IL1RAPL1: variants seen among roughly 807,000 people sequenced by gnomAD.
IL1RAPL1 encodes the protein interleukin-1 receptor accessory protein-like 1.
IL1RAPL1 carries 3 observed loss-of-function variants against 48.4 expected under a neutral mutation model. That is an observed-to-expected ratio of 0.06 (90% CI 0.03 to 0.16). IL1RAPL1 has a LOEUF of 0.16. Ranked by LOEUF, IL1RAPL1 falls within the 10% of genes least tolerant of loss-of-function variation. The pLI is 1.00. For synonymous variants in IL1RAPL1, 185 were observed against 187.7 expected (o/e 0.99, Z 0.12); for missense variants, 349 against 530.6 (o/e 0.66, Z 3.36).
At chrX:29,837,482 T>A (rs1221080444) in intron 6 of IL1RAPL1, among the ~76,000 whole-genome samples, 1 of 109,214 alleles carries the variant, frequency 9.2e-6, no homozygotes, top group East Asian at 2.9e-4. Context: ...ATTTTGTAAA[T>A]ACAACTCATA....
At chrX:28,855,972 C>G in intron 2 of IL1RAPL1, among the ~76,000 whole-genome samples, 1 of 111,728 alleles carries the variant, frequency 9.0e-6, no homozygotes. Flanking sequence ...TCAAATGTCT[C>G]TATGTCAAAG....
chrX:29,509,739 A>G (rs1161477785), intron 5 of IL1RAPL1, among the ~76,000 whole-genome samples: 1 of 111,940 alleles, frequency 8.9e-6, no homozygotes, highest in Non-Finnish European at 1.9e-5. Context: ...GGAAAAAATT[A>G]TAAAGGGATA....
intron 6 of IL1RAPL1, among the ~76,000 whole-genome samples, chrX:29,803,611 G>GTGTGTATATATGTATATA (rs1491369810): frequency 9.8e-6 from 1 of 101,597 alleles, no homozygotes; most frequent in African/African-American, 3.6e-5. Context: ...ATATATACAC[G>GTGTGTATATATGTATATA]TGTGTATATA....
intron 1 of IL1RAPL1, among the ~76,000 whole-genome samples, chrX:28,744,758 C>A (rs1225867600): frequency 9.0e-6 from 1 of 111,196 alleles, no homozygotes; most frequent in Admixed American, 9.6e-5. Flanking sequence ...AAGTAATGAT[C>A]AGTTCTATAA....
At chrX:29,603,637 G>A (rs1445359175) in intron 5 of IL1RAPL1, among the ~76,000 whole-genome samples, 1 of 111,887 alleles carries the variant, frequency 8.9e-6, no homozygotes, top group Non-Finnish European at 1.9e-5. Context: ...GTTTTCAAAA[G>A]TTTAGAGTTT....
At chrX:29,705,437 A>G (rs1054238407) in intron 6 of IL1RAPL1, among the ~76,000 whole-genome samples, 1 of 111,217 alleles carries the variant, frequency 9.0e-6, no homozygotes, top group Non-Finnish European at 1.9e-5. Flanking sequence ...CTGGCCTTAA[A>G]CTCCTGAGCG....
At chrX:29,853,587 T>A (rs754698952) in intron 6 of IL1RAPL1, among the ~76,000 whole-genome samples, 1 of 111,431 alleles carries the variant, frequency 9.0e-6, no homozygotes, top group East Asian at 2.8e-4. Context: ...CACTTGTATT[T>A]GAAAAAGAAA....
intron 2 of IL1RAPL1, among the ~76,000 whole-genome samples, chrX:28,929,681 G>A (rs1402870300): frequency 8.9e-6 from 1 of 111,824 alleles, no homozygotes; most frequent in Non-Finnish European, 1.9e-5. Context: ...TGGTATAGAC[G>A]TTTGATTTTG....
chrX:28,826,703 C>T (rs932870451), intron 2 of IL1RAPL1, among the ~76,000 whole-genome samples: 1 of 111,067 alleles, frequency 9.0e-6, no homozygotes, highest in African/African-American at 3.3e-5. Context: ...AGAACAGAGT[C>T]AGGATCATGA....
chrX:29,904,973 A>G (rs1352007760), intron 6 of IL1RAPL1, among the ~76,000 whole-genome samples: 2 of 111,858 alleles, frequency 1.8e-5, no homozygotes, highest in Non-Finnish European at 3.8e-5. Context: ...GGTTGAACTA[A>G]TTTACACTCC....
chrX:29,820,783 G>A (rs1019304358), intron 6 of IL1RAPL1, among the ~76,000 whole-genome samples: 56 of 112,009 alleles, frequency 5.0e-4, no homozygotes, highest in African/African-American at 1.7e-3. Context: ...TTAGAGTCAA[G>A]GCTTGGACCC....
intron 5 of IL1RAPL1, among the ~76,000 whole-genome samples, chrX:29,657,536 T>C (rs767651424): frequency 4.5e-4 from 50 of 112,353 alleles, no homozygotes; most frequent in African/African-American, 1.5e-3. Flanking sequence ...TTTAGAAATA[T>C]AATGTCTTTG....
intron 2 of IL1RAPL1, among the ~76,000 whole-genome samples, chrX:29,194,938 C>T (rs944670340): frequency 3.6e-5 from 4 of 110,919 alleles, no homozygotes; most frequent in African/African-American, 1.3e-4. Flanking sequence ...CCACAGTCAC[C>T]TCAGTTTATA....
At chrX:28,702,841 T>TG (rs1364790617) in intron 1 of IL1RAPL1, among the ~76,000 whole-genome samples, 1 of 53,987 alleles carries the variant, frequency 1.9e-5, no homozygotes, top group Non-Finnish European at 3.1e-5. Flanking sequence ...TTCCATGTTG[T>TG]GTTTTTTTTT....
At chrX:29,450,716 C>A (rs1178775665) in intron 5 of IL1RAPL1, among the ~76,000 whole-genome samples, 1 of 111,059 alleles carries the variant, frequency 9.0e-6, no homozygotes, top group African/African-American at 3.3e-5. Context: ...CTGATGCAAC[C>A]GTTCCTATTA....
chrX:29,843,746 T>C (rs529024937), intron 6 of IL1RAPL1, among the ~76,000 whole-genome samples: 167 of 108,815 alleles, frequency 1.5e-3, no homozygotes, highest in African/African-American at 5.3e-3. Context: ...TTCTCTCTCT[T>C]TCTCACTTCT....
At chrX:29,567,217 C>CA (rs200981365) in intron 5 of IL1RAPL1, among the ~76,000 whole-genome samples, 134 of 98,457 alleles carry the variant, frequency 1.4e-3, no homozygotes, top group Middle Eastern at 5.0e-3. Flanking sequence ...AGACTACCTA[C>CA]AAAAAAAAAA....
rs189681818 is a variant in IL1RAPL1 at position 29,188,436 on chromosome X, G to A, written c.83-94502G>A. ...TATAATTTCTCAAACTGTAAATGCC[G>A]AATTTATTGAAGTGAAACAAATCCA... is the stretch of plus-strand genomic sequence containing the variant. On this transcript the variant is annotated intron_variant, in intron 2 of 10. Coordinates refer to ENST00000378993, the MANE Select transcript of IL1RAPL1 (RefSeq NM_014271.4). 4.1e-3 allele frequency among the ~76,000 whole-genome samples: 452 copies of A among 111,169 alleles called. 1 individual carries two copies. Among genetic ancestry groups the A allele is most frequent in the African/African-American group, 0.014 (434 of 30,628 alleles).
At chrX:29,325,549 G>T (rs1291574222) in intron 3 of IL1RAPL1, among the ~76,000 whole-genome samples, 1 of 111,477 alleles carries the variant, frequency 9.0e-6, no homozygotes, top group African/African-American at 3.3e-5. Context: ...GTTTTAATTG[G>T]TTGATATATT....
Sources: allele counts gnomAD v4.1 joint callset (sites outside exome capture counted in the v4.1 genomes callset), GRCh38; gene constraint gnomAD v4.1.1; transcripts MANE v1.5; gene names NCBI Gene and HGNC (gene_info 2026-07-23, HGNC 2026-07-21).